AP3M1: variants seen among roughly 807,000 people sequenced by gnomAD.
The protein encoded by AP3M1 is AP-3 complex subunit mu-1.
In AP3M1, 29 loss-of-function variants were observed where a neutral mutation model predicts 42.6. That is an observed-to-expected ratio of 0.68 (90% CI 0.51 to 0.93). The LOEUF (loss-of-function observed/expected upper bound fraction) is 0.93, where lower values mean the gene tolerates loss of function less well. AP3M1 is among the 40% of genes least tolerant of loss of function. AP3M1 has a pLI of 0.00. For synonymous variants in AP3M1, 178 were observed against 175.3 expected (o/e 1.02, Z -0.12); for missense variants, 416 against 510.2 (o/e 0.82, Z 1.78).
rs185057207 is a variant in AP3M1 at position 74,131,616 on chromosome 10, T to G, written c.584-1624A>C. Among the ~76,000 whole-genome samples the G allele has an allele frequency of 3.3e-5, 5 of 152,226 alleles. No homozygotes were observed. The East Asian group carries it at 9.6e-4, about 29-fold the overall frequency. The stretch of plus-strand genomic sequence containing the variant: ...AGGCTGGAGTACAGTGGTGTGAACA[T>G]AGTTCACCACAGCATTGAACTCCTG... On this transcript the variant is annotated intron_variant, in intron 4 of 8. Transcript: ENST00000355264.
rs1218803858 is a variant in AP3M1, at chr10:74,136,797, A to G, written c.280T>C (p.Phe94Leu). Reference sequence around the variant, plus strand: ...ATTGCAGCCTCTGAACACTCACCAAAGTAGTCCTGACAAAATACACACAAA... The same window carrying G: ...ATTGCAGCCTCTGAACACTCACCAAGGTAGTCCTGACAAAATACACACAAA... Reference protein sequence around the residue: ...HRVADTFQDYFGECSEAAIKD... With the variant: ...HRVADTFQDYLGECSEAAIKD... The change falls in exon 3 of 9, where the codon TTT becomes CTT. Residue 94 changes from phenylalanine (F) to leucine (L), a missense_variant. Physicochemically the swap from Phe to Leu is conservative, Grantham distance 22 (BLOSUM62 0). Coordinates refer to ENST00000355264, the MANE Select transcript of AP3M1 (RefSeq NM_012095.6). The G allele has an allele frequency of 6.7e-7, 1 of 1,497,800 alleles. No individual in the cohort carries two copies. The highest frequency in any genetic ancestry group is 9.0e-7 in the Non-Finnish European group (1 of 1,106,072). The allele number at this position is 1,497,800 out of a possible 1,614,324, so 92.8% of individuals were successfully genotyped here.
intron 3 of AP3M1, 80 bp from the exon 4 acceptor site, chr10:74,134,244 G>C: frequency 1.4e-6 from 2 of 1,453,640 alleles, no homozygotes; most frequent in Non-Finnish European, 1.9e-6. Context: ...AAAAAAAGCT[G>C]CTTCTTCAAT....
At position 74,138,369 on chromosome 10, in the gene AP3M1, C is replaced by T; in HGVS notation, c.11G>A (p.Ser4Asn). Reference sequence around the variant, plus strand: ...ACCGGAACAGTTTATGAGAAATAGACTGTGGATCATTTTCTGTTGGGGCAA... The same window carrying T: ...ACCGGAACAGTTTATGAGAAATAGATTGTGGATCATTTTCTGTTGGGGCAA... MIHSLFLINCSGDI... is the reference protein window; with the variant it reads MIHNLFLINCSGDI... The change falls in exon 2 of 9, where the codon AGT (serine) becomes AAT (asparagine). Residue 4 changes from serine (S) to asparagine (N), a missense_variant. Coordinates refer to ENST00000355264, the MANE Select transcript of AP3M1 (RefSeq NM_012095.6). 6.2e-7 allele frequency: 1 copy of T among 1,610,602 alleles called. No homozygotes were observed. The highest frequency in any genetic ancestry group is 8.5e-7 in the Non-Finnish European group (1 of 1,177,916).
intron 1 of AP3M1, among the ~76,000 whole-genome samples, chr10:74,140,486 A>G (rs978128565): frequency 1.3e-5 from 2 of 152,184 alleles, no homozygotes; most frequent in African/African-American, 2.4e-5. Flanking sequence ...CACACTTGAC[A>G]TGATTGACAA....
rs1840472529 is a variant in AP3M1, at chr10:74,121,838, A to C, written c.*1972T>G. On this transcript the variant is annotated 3_prime_UTR_variant, in exon 9 of 9. Transcript: ENST00000355264. The stretch of plus-strand genomic sequence containing the variant: ...TTTACTGGATTCTAGCAAATTAATA[A>C]ATACAGTAATTTGATTGTAAAAGGA... 6.6e-6 allele frequency: 1 copy of C among 152,226 alleles called. No individual in the cohort carries two copies. The highest frequency in any genetic ancestry group is 1.5e-5 in the Non-Finnish European group (1 of 68,040). 9.4% of individuals were successfully genotyped at this position (152,226 alleles called of 1,614,324 possible). A position where few individuals can be genotyped will look rare whatever the true frequency, so the allele number is the denominator to read the frequency against.
chr10:74,122,402 A>G lies in AP3M1; in HGVS notation c.*1408T>C, dbSNP rs1451062166. On this transcript the variant is annotated 3_prime_UTR_variant, in exon 9 of 9. Coordinates refer to ENST00000355264, the MANE Select transcript of AP3M1 (RefSeq NM_012095.6). ...GAATAGCATAAATAACAAGAAGGAA[A>G]CATGAAGAACAAGCACTTAAGATAT... 6.6e-6 allele frequency: 1 copy of G among 152,112 alleles called. No individual in the cohort carries two copies. Among genetic ancestry groups the G allele is most frequent in the Non-Finnish European group, 1.5e-5 (1 of 68,028 alleles). 9.4% of individuals were successfully genotyped at this position (152,112 alleles called of 1,614,324 possible).
At chr10:74,128,296 A>G (rs2131965297) in intron 6 of AP3M1, among the ~76,000 whole-genome samples, 1 of 150,136 alleles carries the variant, frequency 6.7e-6, no homozygotes, top group African/African-American at 2.5e-5. Context: ...GCTGTAGTGC[A>G]GTGGTGTGAT....
At chr10:74,142,289 G>T (rs540232029) in intron 1 of AP3M1, among the ~76,000 whole-genome samples, 3 of 152,246 alleles carry the variant, frequency 2.0e-5, no homozygotes, top group Non-Finnish European at 4.4e-5. Context: ...TAAGAAGAAA[G>T]AATTTAAGAC....
chr10:74,135,438 A>G (rs1840913201), intron 3 of AP3M1, among the ~76,000 whole-genome samples: 1 of 152,180 alleles, frequency 6.6e-6, no homozygotes, highest in Non-Finnish European at 1.5e-5. Context: ...TTTGTAATAC[A>G]CTATCTAATG....
chr10:74,136,845 A>C (rs1452307593), intron 2 of AP3M1, 42 bp from the exon 3 acceptor site: 9 of 1,325,154 alleles, frequency 6.8e-6, no homozygotes, highest in African/African-American at 4.4e-5. Context: ...GGAAGGCAAA[A>C]AGAAAGGCCT....
At chr10:74,124,996 T>C (rs956669816) in intron 7 of AP3M1, among the ~76,000 whole-genome samples, 2 of 152,186 alleles carry the variant, frequency 1.3e-5, no homozygotes, top group Non-Finnish European at 2.9e-5. Flanking sequence ...TCTTTTTTTT[T>C]TGAGACAGAG....
intron 5 of AP3M1, 43 bp downstream of exon 5, chr10:74,129,864 A>G (rs1197363131): frequency 8.1e-7 from 1 of 1,231,668 alleles, no homozygotes; most frequent in African/African-American, 1.5e-5. Context: ...CTTCACATGT[A>G]TTAGGCATTC....
intron 6 of AP3M1, among the ~76,000 whole-genome samples, chr10:74,127,868 A>AG (rs1840662993): frequency 1.3e-5 from 2 of 152,062 alleles, no homozygotes; most frequent in Admixed American, 6.6e-5. Context: ...TGGGAGGCTG[A>AG]GGTGGGCAGA....
Position 74,136,798 on chromosome 10 carries a change from G to T in AP3M1, c.279C>A (p.Tyr93Ter). 1 of 1,495,896 alleles carries T rather than the reference G, an allele frequency of 6.7e-7. No individual in the cohort carries two copies. Among genetic ancestry groups the T allele is most frequent in the Non-Finnish European group, 9.1e-7 (1 of 1,104,866 alleles). The allele number at this position is 1,495,896 out of a possible 1,614,324, so 92.7% of individuals were successfully genotyped here. Residue 93 changes from tyrosine to a stop codon, truncating the protein, a stop_gained, in exon 3 of 9, where the codon TAC becomes TAA. Transcript: ENST00000355264. LOFTEE classifies it high-confidence loss of function. ...LHRVADTFQD[Y>*]FGECSEAAIK... ...TTGCAGCCTCTGAACACTCACCAAA[G>T]TAGTCCTGACAAAATACACACAAAA...
intron 6 of AP3M1, among the ~76,000 whole-genome samples, chr10:74,128,100 T>TA (rs754897677): frequency 0.018 from 1,185 of 66,496 alleles, 17 homozygotes; most frequent in African/African-American, 0.039. Context: ...AACTCCGGCT[T>TA]AAAAAAAAAA....
intron 4 of AP3M1, among the ~76,000 whole-genome samples, chr10:74,133,381 T>C (rs1291344710): frequency 7.1e-6 from 1 of 141,458 alleles, no homozygotes. Flanking sequence ...GCAATAAGAG[T>C]GAAACTGCGT....
chr10:74,141,573 C>T (rs1275009932), intron 1 of AP3M1, among the ~76,000 whole-genome samples: 2 of 152,078 alleles, frequency 1.3e-5, no homozygotes, highest in Non-Finnish European at 2.9e-5. Context: ...AGAATATACA[C>T]AGTATGATTC....
At position 74,134,061 on chromosome 10, in the gene AP3M1, A is replaced by G. The variant is rs1206162466; in HGVS notation, c.549T>C (p.Val183=). 9 of 1,614,160 alleles carry G rather than the reference A, an allele frequency of 5.6e-6. No homozygotes were observed. Among genetic ancestry groups the G allele is most frequent in the Non-Finnish European group, 7.6e-6 (9 of 1,180,008 alleles). Residue 183 remains valine, a synonymous_variant, in exon 4 of 9, where the codon GTT becomes GTC. Transcript: ENST00000355264. The part of the protein sequence containing the change: ...KYTNNEAYFD[V]VEEIDAIIDK... ...CTATAATTGCGTCTATTTCTTCAACAACATCAAAATAGGCTTCATTGTTTG... is the reference window on the plus strand; with the variant it reads ...CTATAATTGCGTCTATTTCTTCAACGACATCAAAATAGGCTTCATTGTTTG...
chr10:74,147,271 C>T (rs983904103), intron 1 of AP3M1, among the ~76,000 whole-genome samples: 2 of 136,964 alleles, frequency 1.5e-5, no homozygotes, highest in East Asian at 2.0e-4. Flanking sequence ...GATGACAGAG[C>T]GAGACTCCAT....
Sources: gnomAD v4.1 joint callset for allele counts (sites outside exome capture counted in the v4.1 genomes callset) on GRCh38, gnomAD v4.1.1 for gene constraint, MANE v1.5 for transcripts, NCBI Gene and HGNC (gene_info 2026-07-23, HGNC 2026-07-21) for gene names.